The following LITAF variants were observed in gnomAD, a reference collection of about 807,000 sequenced individuals.
The protein encoded by LITAF is lipopolysaccharide-induced tumor necrosis factor-alpha factor.
LITAF carries 9 observed loss-of-function variants against 14.5 expected under a neutral mutation model. The observed-to-expected ratio is 0.62, with a 90% CI of 0.37 to 1.08. LITAF has a LOEUF of 1.08. LITAF is among the 50% of genes least tolerant of loss of function. The pLI, the probability that LITAF is intolerant of heterozygous loss-of-function variation, is 0.01. For missense variants in LITAF, 206 were observed against 213.4 expected (o/e 0.97, Z 0.22); for synonymous variants, 98 against 88.2 (o/e 1.11, Z -0.62).
chr16:11,595,332 G>A (rs1199103243), intron 1 of LITAF, among the ~76,000 whole-genome samples: 2 of 152,180 alleles, frequency 1.3e-5, no homozygotes, highest in African/African-American at 4.8e-5. Context: ...CCCTGACCCT[G>A]GCCAAACGCT....
At chr16:11,606,079 G>A (rs2064953713) in intron 3 of LITAF, among the ~76,000 whole-genome samples, 1 of 151,974 alleles carries the variant, frequency 6.6e-6, no homozygotes, top group Admixed American at 6.6e-5. Flanking sequence ...ATAGGCTGAT[G>A]GCACTGACCT....
At chr16:11,636,467 G>T (rs908711784), upstream of LITAF, 1 of 152,260 alleles carries the variant, frequency 6.6e-6, no homozygotes, top group African/African-American at 2.4e-5. Context: ...GTCAGACCAG[G>T]TGTGCTATTT....
At chr16:11,613,494 G>T (rs2064996193) in intron 3 of LITAF, among the ~76,000 whole-genome samples, 2 of 152,182 alleles carry the variant, frequency 1.3e-5, no homozygotes, top group South Asian at 4.1e-4. Flanking sequence ...GTTTAGACCT[G>T]CCCCACCTCG....
intron 3 of LITAF, among the ~76,000 whole-genome samples, chr16:11,625,755 G>T (rs943725991): frequency 6.6e-6 from 1 of 152,096 alleles, no homozygotes; most frequent in African/African-American, 2.4e-5. Context: ...TTTACAGTCA[G>T]TGAGTCCCTG....
At chr16:11,585,248 A>G (rs571282051) in intron 1 of LITAF, among the ~76,000 whole-genome samples, 1 of 150,730 alleles carries the variant, frequency 6.6e-6, no homozygotes, top group African/African-American at 2.4e-5. Flanking sequence ...AAAAAAAAAA[A>G]GAAAGAAATT....
chr16:11,598,618 T>C (rs1409025039), upstream of LITAF: 1 of 151,830 alleles, frequency 6.6e-6, no homozygotes, highest in African/African-American at 2.4e-5. Context: ...CCCCCTTTGG[T>C]TTTTAGGAAA....
chr16:11,614,608 G>T (rs79380452), intron 3 of LITAF, among the ~76,000 whole-genome samples: 30,887 of 147,944 alleles, frequency 0.21, 3,343 homozygotes, highest in Non-Finnish European at 0.25. Flanking sequence ...GCTTTTTCTG[G>T]TTTTTTTTTA....
chr16:11,638,042 CTATATATATATCTA>C (rs1207625530), upstream of LITAF, among the ~76,000 whole-genome samples: 4 of 85,176 alleles, frequency 4.7e-5, no homozygotes, highest in South Asian at 3.2e-4. Flanking sequence ...CTATATATAT[CTATATATATATCTA>C]TATATATATC....
intron 1 of LITAF, among the ~76,000 whole-genome samples, chr16:11,581,732 T>A (rs1029281825): frequency 3.3e-5 from 5 of 151,998 alleles, no homozygotes; most frequent in African/African-American, 1.2e-4. Context: ...AAAAATAAAA[T>A]AAAATAAAAA....
chr16:11,601,897 A>C (rs973770814), upstream of LITAF, among the ~76,000 whole-genome samples: 1 of 152,158 alleles, frequency 6.6e-6, no homozygotes, highest in African/African-American at 2.4e-5. Context: ...CTGGGAATCT[A>C]CCACATGGAT....
intron 3 of LITAF, among the ~76,000 whole-genome samples, chr16:11,623,183 G>C (rs1007036643): frequency 3.3e-5 from 5 of 151,172 alleles, no homozygotes; most frequent in African/African-American, 1.2e-4. Context: ...GGATGGTCTC[G>C]ATCTCCTGAC....
intron 1 of LITAF, among the ~76,000 whole-genome samples, chr16:11,564,010 G>A (rs572652230): frequency 3.3e-5 from 5 of 152,032 alleles, no homozygotes; most frequent in South Asian, 2.1e-4. Flanking sequence ...AGGTTCAAAC[G>A]ATTGTCCTGC....
chr16:11,582,664 G>A (rs2064756168), intron 1 of LITAF, among the ~76,000 whole-genome samples: 1 of 152,056 alleles, frequency 6.6e-6, no homozygotes, highest in Non-Finnish European at 1.5e-5. Context: ...GCAAAAGAAG[G>A]GCACTCACAT....
At chr16:11,567,052 C>G (rs1470235181) in intron 1 of LITAF, among the ~76,000 whole-genome samples, 1 of 152,116 alleles carries the variant, frequency 6.6e-6, no homozygotes, top group Non-Finnish European at 1.5e-5. Flanking sequence ...TCCGGGATTC[C>G]TGGGGGCAGT....
Position 11,556,704 on chromosome 16 carries a change from C to T in LITAF, c.27G>A (p.Ala9=), listed in dbSNP as rs149518815. The change falls in exon 2 of 4, where the codon GCG becomes GCA. Residue 9 remains alanine, a synonymous_variant. Transcript: ENST00000622633. MSVPGPYQ[A]ATGPSSAPSA... ...ATGGTGCTGAGGAAGGCCCAGTGGC[C>T]GCCTGGTAAGGTCCTGGAACCGACA... The T allele has an allele frequency of 9.4e-5, 152 of 1,614,020 alleles. 1 individual carries two copies. Among genetic ancestry groups the T allele is most frequent in the East Asian group, 1.1e-4 (5 of 44,892 alleles).
At chr16:11,619,332 A>T (rs2141891144) in intron 3 of LITAF, among the ~76,000 whole-genome samples, 1 of 152,090 alleles carries the variant, frequency 6.6e-6, no homozygotes, top group East Asian at 1.9e-4. Flanking sequence ...ACAAAAAAAA[A>T]AACCCCAGCA....
Position 11,556,511 on chromosome 16 carries a change from T to C in LITAF, c.220A>G (p.Ile74Val). The change falls in exon 2 of 4, where the codon ATT becomes GTT. Residue 74 changes from isoleucine (I) to valine (V), a missense_variant and splice_region_variant. Transcript: ENST00000622633. ...QPAPIPNNNPITVQTVYVQHP... is the reference protein window; with the variant it reads ...QPAPIPNNNPVTVQTVYVQHP... ...GGGGGGCCTGGGAGGCCACACGTAC[T>C]TGGATTGTTATTGGGGATGGGCGCT... 6.2e-7 allele frequency: 1 copy of C among 1,612,832 alleles called. No homozygotes were observed. Among genetic ancestry groups the C allele is most frequent in the Non-Finnish European group, 8.5e-7 (1 of 1,178,952 alleles).
upstream of LITAF, among the ~76,000 whole-genome samples, chr16:11,639,623 A>ATT (rs750408877): frequency 0.62 from 92,089 of 148,746 alleles, 29,691 homozygotes; most frequent in East Asian, 0.85. Context: ...GATTTTTAAA[A>ATT]AAAAAAAAGA....
intron 1 of LITAF, among the ~76,000 whole-genome samples, chr16:11,568,495 C>A (rs572526010): frequency 1.3e-5 from 2 of 152,110 alleles, no homozygotes; most frequent in South Asian, 2.1e-4. Flanking sequence ...CCAGAAATGA[C>A]ACTGGCTTTC....
Sources: gnomAD v4.1 joint callset for allele counts (sites outside exome capture counted in the v4.1 genomes callset) on GRCh38, gnomAD v4.1.1 for gene constraint, MANE v1.5 for transcripts, NCBI Gene and HGNC (gene_info 2026-07-23, HGNC 2026-07-21) for gene names.